Variants in CLIP4 observed in about 807,000 individuals in gnomAD.
CLIP4 encodes the protein CAP-Gly domain containing linker protein family member 4.
Under a neutral mutation model 73.1 loss-of-function variants are expected in CLIP4, and 47 were observed. The ratio of observed to expected loss-of-function variants is 0.64; its 90% CI spans 0.51 to 0.82. The LOEUF (loss-of-function observed/expected upper bound fraction) is 0.82, where lower values mean the gene tolerates loss of function less well. CLIP4 is among the 40% of genes least tolerant of loss of function. The pLI, the probability that CLIP4 is intolerant of heterozygous loss-of-function variation, is 0.00. For synonymous variants in CLIP4, 306 were observed against 295.4 expected (o/e 1.04, Z -0.37); for missense variants, 874 against 852.9 (o/e 1.02, Z -0.31).
chr2:29,166,909 T>C (rs569026046), intron 13 of CLIP4, among the ~76,000 whole-genome samples: 2 of 152,202 alleles, frequency 1.3e-5, no homozygotes, highest in East Asian at 1.9e-4. Context: ...TGAAAGAAAA[T>C]GAGCCTGTCA....
chr2:29,155,851 A>G (rs1468232648), intron 9 of CLIP4, among the ~76,000 whole-genome samples: 1 of 152,164 alleles, frequency 6.6e-6, no homozygotes, highest in Non-Finnish European at 1.5e-5. Flanking sequence ...TTCCTTTTCA[A>G]AGCCCAGCAG....
chr2:29,109,135 C>G (rs1453229695), intron 1 of CLIP4, among the ~76,000 whole-genome samples: 1 of 152,184 alleles, frequency 6.6e-6, no homozygotes, highest in Non-Finnish European at 1.5e-5. Context: ...TGGTCAGAGT[C>G]CGTTTCAGTG....
rs796180363 is a variant in CLIP4, at chr2:29,107,358, GTTTTTTTTTTTTTT to G, written c.-16+9429_-16+9442del. ...ATTTCTAAATTCCTGGAACATGATA[GTTTTTTTTTTTTTT>G]TTTTTTTTTTTTTTTTTGAGATGGA... On this transcript the variant is annotated intron_variant, in intron 1 of 14. Coordinates refer to the CLIP4 transcript ENST00000401605. 5.1e-3 allele frequency among the ~76,000 whole-genome samples: 333 copies of G among 65,346 alleles called. 2 individuals carry two copies. Among genetic ancestry groups the G allele is most frequent in the Middle Eastern group, 0.019 (1 of 54 alleles). The allele number at this position is 65,346 out of a possible 152,430, so 42.9% of individuals were successfully genotyped here. A position where few individuals can be genotyped will look rare whatever the true frequency, so the allele number is the denominator to read the frequency against.
At chr2:29,166,369 A>C (rs1460647883) in intron 13 of CLIP4, among the ~76,000 whole-genome samples, 1 of 151,498 alleles carries the variant, frequency 6.6e-6, no homozygotes, top group Admixed American at 6.6e-5. Flanking sequence ...GAATCTTTGC[A>C]CATGTTATTT....
chr2:29,107,458 G>A (rs965788843), intron 1 of CLIP4, among the ~76,000 whole-genome samples: 15 of 130,156 alleles, frequency 1.2e-4, no homozygotes, highest in African/African-American at 1.7e-4. Context: ...TGCAAGCTCC[G>A]CCTCCCGGGT....
chr2:29,101,294 C>T (rs1430065646), intron 1 of CLIP4, among the ~76,000 whole-genome samples: 6 of 145,158 alleles, frequency 4.1e-5, no homozygotes, highest in Admixed American at 6.8e-5. Flanking sequence ...TTTCCCCCCC[C>T]CAAAACAAAA....
At chr2:29,101,300 C>CAAA (rs1174781959) in intron 1 of CLIP4, among the ~76,000 whole-genome samples, 14 of 83,554 alleles carry the variant, frequency 1.7e-4, no homozygotes, top group Non-Finnish European at 1.8e-4. Context: ...CCCCCCAAAA[C>CAAA]AAAAAAAAAA....
chr2:29,103,721 T>C (rs1668119049), intron 1 of CLIP4, among the ~76,000 whole-genome samples: 1 of 151,868 alleles, frequency 6.6e-6, no homozygotes, highest in Admixed American at 6.6e-5. Flanking sequence ...CCTGGTTTTG[T>C]TTATTTTTTG....
At position 29,144,191 on chromosome 2, in the gene CLIP4, T is replaced by C. The variant is rs1436784059; in HGVS notation, c.885+246T>C. Reference sequence around the variant, plus strand: ...AATAAAGAGTGGAGTGGAGTAGAACTCTTGAGTGAATTTAGAAGCATGAGC... The same window carrying C: ...AATAAAGAGTGGAGTGGAGTAGAACCCTTGAGTGAATTTAGAAGCATGAGC... On this transcript the variant is annotated intron_variant, in intron 7 of 15. Transcript: ENST00000320081. 2.0e-5 allele frequency among the ~76,000 whole-genome samples: 3 copies of C among 152,148 alleles called. No individual in the cohort carries two copies. The East Asian group carries it at 5.8e-4, about 29-fold the overall frequency.
At chr2:29,131,846 T>C (rs1290018576) in intron 3 of CLIP4, 3 of 335,300 alleles carry the variant, frequency 8.9e-6, no homozygotes, top group Non-Finnish European at 1.6e-5. Flanking sequence ...TTATACTTTT[T>C]TCAAATATCA....
At chr2:29,099,993 A>T (rs148802220) in intron 1 of CLIP4, among the ~76,000 whole-genome samples, 1 of 152,194 alleles carries the variant, frequency 6.6e-6, no homozygotes, top group African/African-American at 2.4e-5. Flanking sequence ...CCCATTGTTA[A>T]CTGCTGGTAT....
intron 2 of CLIP4, among the ~76,000 whole-genome samples, chr2:29,123,083 C>T (rs916751372): frequency 6.6e-6 from 1 of 152,126 alleles, no homozygotes; most frequent in Admixed American, 6.5e-5. Context: ...GAAATTTTGG[C>T]CAAGTGATTC....
chr2:29,154,767 G>A (rs928798269), intron 9 of CLIP4, among the ~76,000 whole-genome samples: 2 of 152,118 alleles, frequency 1.3e-5, no homozygotes, highest in Admixed American at 1.3e-4. Context: ...CACTGCTTGG[G>A]TCCCAGCCTG....
chr2:29,162,052 A>G (rs567459352), intron 12 of CLIP4, among the ~76,000 whole-genome samples: 1 of 152,332 alleles, frequency 6.6e-6, no homozygotes, highest in Admixed American at 6.5e-5. Context: ...TACTTAATAT[A>G]GGATTCAAAT....
intron 8 of CLIP4, among the ~76,000 whole-genome samples, chr2:29,149,739 AAAAAG>A (rs1443552885): frequency 8.4e-4 from 127 of 152,082 alleles, no homozygotes; most frequent in African/African-American, 2.9e-3. Flanking sequence ...AAAAAAAAAA[AAAAAG>A]AAGAATGCAA....
chr2:29,135,721 T>C, intron 6 of CLIP4, 55 bp downstream of exon 6: 2 of 1,271,648 alleles, frequency 1.6e-6, no homozygotes, highest in South Asian at 2.7e-5. Flanking sequence ...AATCTTACTT[T>C]CTGGTAAAAT....
At chr2:29,130,523 T>C in intron 2 of CLIP4, 1 of 534,836 alleles carries the variant, frequency 1.9e-6, no homozygotes, top group African/African-American at 2.0e-5. Context: ...TAAGTAGGTG[T>C]TTTGGAGAAT....
chr2:29,149,708 C>T, intron 8 of CLIP4, among the ~76,000 whole-genome samples: 1 of 134,936 alleles, frequency 7.4e-6, no homozygotes. Context: ...AGTTTTGGTT[C>T]TCTGAAATGC....
At chr2:29,168,779 C>T (rs1226703309) in intron 14 of CLIP4, among the ~76,000 whole-genome samples, 1 of 151,982 alleles carries the variant, frequency 6.6e-6, no homozygotes, top group Non-Finnish European at 1.5e-5. Flanking sequence ...GCCTTGGCCT[C>T]CCAAAGTGCT....
Sources: allele counts gnomAD v4.1 joint callset (sites outside exome capture counted in the v4.1 genomes callset), GRCh38; gene constraint gnomAD v4.1.1; transcripts MANE v1.5; gene names NCBI Gene and HGNC (gene_info 2026-07-23, HGNC 2026-07-21).